Variants in FAM81B observed in about 807,000 individuals in gnomAD.
FAM81B encodes the protein family with sequence similarity 81 member B.
FAM81B carries 60 observed loss-of-function variants against 58.7 expected under a neutral mutation model. That is an observed-to-expected ratio of 1.02 (90% CI 0.83 to 1.27). The LOEUF (loss-of-function observed/expected upper bound fraction) is 1.27, where lower values mean the gene tolerates loss of function less well. Ranked by LOEUF, FAM81B falls within the 50% of genes most tolerant of loss-of-function variation. The pLI, the probability that FAM81B is intolerant of heterozygous loss-of-function variation, is 0.00. For synonymous variants in FAM81B, 189 were observed against 179.6 expected (o/e 1.05, Z -0.42); for missense variants, 491 against 522.0 (o/e 0.94, Z 0.58).
chr5:95,440,357 T>C, intron 7 of FAM81B: 1 of 803,514 alleles, frequency 1.2e-6, no homozygotes, highest in Non-Finnish European at 2.2e-6. Flanking sequence ...ATCCTGATGT[T>C]AAGGCTGGTG....
intron 7 of FAM81B, among the ~76,000 whole-genome samples, chr5:95,438,008 T>G (rs80183522): frequency 2.0e-5 from 3 of 152,208 alleles, no homozygotes; most frequent in Non-Finnish European, 2.9e-5. Flanking sequence ...GAATATAACA[T>G]GCACCATTAT....
chr5:95,435,856 A>T (rs1254275966), intron 6 of FAM81B, among the ~76,000 whole-genome samples: 1 of 152,114 alleles, frequency 6.6e-6, no homozygotes, highest in African/African-American at 2.4e-5. Flanking sequence ...TATTTCAAAC[A>T]TTTCCATCTT....
chr5:95,426,068 A>G (rs144238243), intron 5 of FAM81B, among the ~76,000 whole-genome samples: 566 of 140,928 alleles, frequency 4.0e-3, no homozygotes, highest in Non-Finnish European at 6.5e-3. Context: ...AGTATTCTAA[A>G]TTATGTTTTC....
chr5:95,413,316 A>G (rs1762452623), intron 3 of FAM81B, among the ~76,000 whole-genome samples: 1 of 152,194 alleles, frequency 6.6e-6, no homozygotes, highest in East Asian at 1.9e-4. Flanking sequence ...GGTTCTAGGT[A>G]TCCCTTAATC....
At chr5:95,419,719 T>C (rs1455735804) in intron 4 of FAM81B, among the ~76,000 whole-genome samples, 2 of 152,158 alleles carry the variant, frequency 1.3e-5, no homozygotes, top group Non-Finnish European at 2.9e-5. Flanking sequence ...CTCTAAAAAA[T>C]CTAGATAAAC....
At chr5:95,430,450 TA>T (rs1206751385) in intron 6 of FAM81B, among the ~76,000 whole-genome samples, 1 of 149,840 alleles carries the variant, frequency 6.7e-6, no homozygotes, top group Non-Finnish European at 1.5e-5. Context: ...AAAAAAAAAC[TA>T]AACAAATATA....
intron 6 of FAM81B, among the ~76,000 whole-genome samples, chr5:95,430,987 CT>C (rs201652829): frequency 0.011 from 1,603 of 152,078 alleles, 28 homozygotes; most frequent in African/African-American, 0.037. Flanking sequence ...ATTTGTATTT[CT>C]TTTTTGGTGA....
At chr5:95,424,248 A>T in intron 5 of FAM81B, 1 of 1,283,824 alleles carries the variant, frequency 7.8e-7, no homozygotes, top group Non-Finnish European at 1.0e-6. Context: ...ATGCATATGA[A>T]TCACTTCCAC....
At chr5:95,395,322 C>T (rs1761936217) in intron 2 of FAM81B, among the ~76,000 whole-genome samples, 1 of 151,298 alleles carries the variant, frequency 6.6e-6, no homozygotes, top group South Asian at 2.1e-4. Context: ...GGGCGCCTGT[C>T]GTCCCAGCTA....
intron 3 of FAM81B, among the ~76,000 whole-genome samples, chr5:95,413,536 G>A (rs2152763445): frequency 6.6e-6 from 1 of 152,248 alleles, no homozygotes; most frequent in South Asian, 2.1e-4. Flanking sequence ...TTCTTTTGTG[G>A]TGGCCTATCC....
intron 6 of FAM81B, 119 bp downstream of exon 6, chr5:95,428,851 G>A: frequency 7.3e-7 from 1 of 1,365,118 alleles, no homozygotes; most frequent in Non-Finnish European, 1.0e-6. Flanking sequence ...CTTCCAAAGG[G>A]TGTAATTCTG....
intron 7 of FAM81B, chr5:95,440,133 G>A (rs1745274116): frequency 7.1e-6 from 4 of 565,852 alleles, no homozygotes; most frequent in Non-Finnish European, 1.4e-5. Flanking sequence ...AGCAGAGACT[G>A]GCACAAGTTC....
At chr5:95,396,753 T>A (rs1013653674) in intron 3 of FAM81B, 1 of 152,264 alleles carries the variant, frequency 6.6e-6, no homozygotes, top group African/African-American at 2.4e-5. Flanking sequence ...AGGCAATGCA[T>A]ATTAATTTGA....
At chr5:95,442,782 G>A (rs538195496) in intron 7 of FAM81B, among the ~76,000 whole-genome samples, 1 of 152,010 alleles carries the variant, frequency 6.6e-6, no homozygotes, top group South Asian at 2.1e-4. Context: ...AGTTCTACCT[G>A]TAGGTGTAAA....
At position 95,446,670 on chromosome 5, in the gene FAM81B, AT is replaced by A; in HGVS notation, c.1003del (p.Cys335ValfsTer2). 3.7e-6 allele frequency: 6 copies of A among 1,611,490 alleles called. No individual in the cohort carries two copies. Among genetic ancestry groups the A allele is most frequent in the Non-Finnish European group, 5.1e-6 (6 of 1,179,404 alleles). ...RKDHLGHINE[C>X]LKVLQEKLEK... ...AAGACCACCTGGGCCATATAAATGA[AT>A]GTCTGAAGGTCCTACAGGAGAAACT... is the stretch of plus-strand genomic sequence containing the variant. On this transcript the variant is annotated frameshift_variant, in exon 8 of 10. Transcript: ENST00000283357. LOFTEE classifies it high-confidence loss of function.
rs1420047450 is a variant in FAM81B, at chr5:95,448,373, GC to G, written c.1135del (p.His379IlefsTer21). 2 of 1,613,034 alleles carry G rather than the reference GC, an allele frequency of 1.2e-6. No homozygotes were observed. The highest frequency in any genetic ancestry group is 1.7e-5 in the Admixed American group (1 of 59,868). On this transcript the variant is annotated frameshift_variant, in exon 9 of 10. Transcript: ENST00000283357. LOFTEE classifies it high-confidence loss of function. ...AGGAAACACAACTAAGTAAAGTAAA[GC>G]ATATGGAAAATAAATTGTCCAAAAA... ...KQETQLSKVK[H>X]MENKLSKKME...
intron 8 of FAM81B, among the ~76,000 whole-genome samples, chr5:95,447,283 C>T (rs985751661): frequency 3.3e-5 from 5 of 152,162 alleles, no homozygotes; most frequent in African/African-American, 1.2e-4. Context: ...GCTGCCAGTC[C>T]TGCAGGTGAC....
At chr5:95,448,118 T>C in intron 8 of FAM81B, 151 bp from the exon 9 acceptor site, 1 of 696,864 alleles carries the variant, frequency 1.4e-6, no homozygotes, top group Non-Finnish European at 2.4e-6. Flanking sequence ...GGATTAACTC[T>C]TATACTTATG....
At chr5:95,442,997 CCTAT>C (rs531896573) in intron 7 of FAM81B, among the ~76,000 whole-genome samples, 24 of 152,226 alleles carry the variant, frequency 1.6e-4, no homozygotes, top group African/African-American at 5.3e-4. Flanking sequence ...TGGTCAAAGC[CCTAT>C]CTAAGTTCTT....
Sources: gnomAD v4.1 joint callset for allele counts (sites outside exome capture counted in the v4.1 genomes callset) on GRCh38, gnomAD v4.1.1 for gene constraint, MANE v1.5 for transcripts, NCBI Gene and HGNC (gene_info 2026-07-23, HGNC 2026-07-21) for gene names.